RSU1: variants seen among roughly 807,000 people sequenced by gnomAD.
The protein encoded by RSU1 is rsu-1.
A neutral mutation model predicts 31.1 loss-of-function variants in RSU1; 26 were observed. The observed-to-expected ratio is 0.84, with a 90% confidence interval of 0.61 to 1.16. The LOEUF (loss-of-function observed/expected upper bound fraction) is 1.16, where lower values mean the gene tolerates loss of function less well. Ranked by LOEUF, RSU1 falls within the 50% of genes most tolerant of loss-of-function variation. The pLI, the probability that RSU1 is intolerant of heterozygous loss-of-function variation, is 0.00. For synonymous variants in RSU1, 164 were observed against 136.3 expected (o/e 1.20, Z -1.41); for missense variants, 320 against 339.1 (o/e 0.94, Z 0.44).
At chr10:16,614,124 A>G (rs1833937372) in intron 8 of RSU1, among the ~76,000 whole-genome samples, 1 of 152,232 alleles carries the variant, frequency 6.6e-6, no homozygotes, top group Non-Finnish European at 1.5e-5. Context: ...AAAGTAGGTA[A>G]GCAAAGCTCC....
At position 16,645,915 on chromosome 10, in the gene RSU1, TATATGTGTATATACAC is replaced by T. The variant is rs1834541372; in HGVS notation, c.731+49092_731+49107del. Among the ~76,000 whole-genome samples the T allele has an allele frequency of 5.8e-5, 2 of 34,626 alleles. 1 individual carries two copies. Among genetic ancestry groups the T allele is most frequent in the African/African-American group, 2.0e-4 (2 of 9,976 alleles). 22.7% of individuals were successfully genotyped at this position (34,626 alleles called of 152,430 possible). A position where few individuals can be genotyped will look rare whatever the true frequency, so the allele number is the denominator to read the frequency against. Reference sequence around the variant, plus strand: ...ATATGTATATACACATATATGTATATATATGTGTATATACACATATGTGTATATATATGTGTATATA... The same window carrying T: ...ATATGTATATACACATATATGTATATATATGTGTATATATATGTGTATATA... On this transcript the variant is annotated intron_variant, in intron 8 of 8. Coordinates refer to ENST00000345264, the MANE Select transcript of RSU1 (RefSeq NM_012425.4).
chr10:16,627,615 T>C (rs1019080951), intron 8 of RSU1, among the ~76,000 whole-genome samples: 1 of 151,918 alleles, frequency 6.6e-6, no homozygotes, highest in African/African-American at 2.4e-5. Context: ...CAGCCAGGCA[T>C]GGATGGTGGT....
chr10:16,681,372 A>C (rs534432398), intron 8 of RSU1, among the ~76,000 whole-genome samples: 1 of 152,340 alleles, frequency 6.6e-6, no homozygotes, highest in South Asian at 2.1e-4. Context: ...CGTGTGTAAG[A>C]ATAAGTTACT....
At chr10:16,751,784 T>G (rs1836985612) in intron 7 of RSU1, among the ~76,000 whole-genome samples, 1 of 152,150 alleles carries the variant, frequency 6.6e-6, no homozygotes, top group Admixed American at 6.6e-5. Context: ...GAGAAAACAA[T>G]GTGGTTCAAA....
In RSU1 at chr10:16,592,974, G is replaced by C; in HGVS notation, c.*420C>G. 1 of 149,630 alleles carries C rather than the reference G, an allele frequency of 6.7e-6. No individual in the cohort carries two copies. Among genetic ancestry groups the C allele is most frequent in the Non-Finnish European group, 1.5e-5 (1 of 67,612 alleles). The allele number at this position is 149,630 out of a possible 1,614,324, so 9.3% of individuals were successfully genotyped here. ...TAAATTAGCATATCTCGGTGGTGAA[G>C]GAAGACTTTTAATAAAGCAAAATAA... On this transcript the variant is annotated 3_prime_UTR_variant, in exon 9 of 9. Coordinates refer to ENST00000345264, the MANE Select transcript of RSU1 (RefSeq NM_012425.4).
rs143434055 is a variant in RSU1 at position 16,811,943 on chromosome 10, T to C, written c.109+5030A>G. On this transcript the variant is annotated intron_variant, in intron 2 of 8. Coordinates refer to ENST00000345264, the MANE Select transcript of RSU1 (RefSeq NM_012425.4). ...TGGGATGGTGGGTCAGAACTGAGTA[T>C]TCTCGAGGGGCCTCCTTGAGGAGGT... Among the ~76,000 whole-genome samples the C allele has an allele frequency of 1.1e-4, 17 of 152,288 alleles. No homozygotes were observed. The East Asian group carries it at 1.5e-3, about 14-fold the overall frequency.
At chr10:16,787,772 G>C (rs749105572) in intron 2 of RSU1, among the ~76,000 whole-genome samples, 1 of 152,202 alleles carries the variant, frequency 6.6e-6, no homozygotes, top group Non-Finnish European at 1.5e-5. Flanking sequence ...CAGCCATGTG[G>C]AAATGTGAGT....
chr10:16,674,212 T>C (rs994368125), intron 8 of RSU1, among the ~76,000 whole-genome samples: 5 of 152,148 alleles, frequency 3.3e-5, no homozygotes, highest in African/African-American at 1.2e-4. Flanking sequence ...AGGAGTTTCT[T>C]TCAAAGCCTA....
At chr10:16,694,663 T>C (rs138549911) in intron 8 of RSU1, among the ~76,000 whole-genome samples, 28 of 152,284 alleles carry the variant, frequency 1.8e-4, no homozygotes, top group South Asian at 1.2e-3. Flanking sequence ...CTCAATGTCC[T>C]GGGCTCAAGT....
chr10:16,654,062 G>C (rs1322872362), intron 8 of RSU1, among the ~76,000 whole-genome samples: 1 of 151,938 alleles, frequency 6.6e-6, no homozygotes, highest in African/African-American at 2.4e-5. Flanking sequence ...GAGTGCAATG[G>C]TGTGATCCTG....
intron 7 of RSU1, among the ~76,000 whole-genome samples, chr10:16,739,225 C>T (rs1836701021): frequency 6.6e-6 from 1 of 151,448 alleles, no homozygotes. Context: ...GGGTATATAC[C>T]CAGTAATGGG....
At chr10:16,805,515 CA>C (rs568304982) in intron 2 of RSU1, among the ~76,000 whole-genome samples, 3,795 of 144,912 alleles carry the variant, frequency 0.026, 49 homozygotes, top group Non-Finnish European at 0.037. Context: ...ACTAAAAATA[CA>C]AAAAAAAAAG....
chr10:16,606,110 G>A (rs114471896), intron 8 of RSU1, among the ~76,000 whole-genome samples: 2,308 of 152,218 alleles, frequency 0.015, 65 homozygotes, highest in African/African-American at 0.053. Flanking sequence ...GCGCCACTTC[G>A]TGAGGCCTTC....
intron 8 of RSU1, among the ~76,000 whole-genome samples, chr10:16,607,385 G>A (rs865952876): frequency 8.5e-5 from 13 of 152,192 alleles, no homozygotes; most frequent in Non-Finnish European, 4.4e-5. Context: ...CACCATGTCA[G>A]TGGAAAGCTG....
At chr10:16,800,542 A>G (rs1838132323) in intron 2 of RSU1, among the ~76,000 whole-genome samples, 1 of 152,244 alleles carries the variant, frequency 6.6e-6, no homozygotes, top group Non-Finnish European at 1.5e-5. Context: ...CTGAAAAGCA[A>G]AGAGAAAGAA....
chr10:16,614,635 C>G (rs1295911305), intron 8 of RSU1, among the ~76,000 whole-genome samples: 1 of 152,172 alleles, frequency 6.6e-6, no homozygotes, highest in Non-Finnish European at 1.5e-5. Context: ...CATACACCTA[C>G]TGTGTACCCA....
rs533709720 is a variant in RSU1 at position 16,592,131 on chromosome 10, G to T, written c.*1263C>A. 1 of 149,816 alleles carries T rather than the reference G, an allele frequency of 6.7e-6. No homozygotes were observed. The highest frequency in any genetic ancestry group is 1.5e-5 in the Non-Finnish European group (1 of 67,936). The allele number at this position is 149,816 out of a possible 1,614,324, so 9.3% of individuals were successfully genotyped here. A position where few individuals can be genotyped will look rare whatever the true frequency, so the allele number is the denominator to read the frequency against. The stretch of plus-strand genomic sequence containing the variant: ...GGGAGCTCAACTGGGAAGCCGAAAG[G>T]ATACAGCAGAGATTTTATATGCCCC... On this transcript the variant is annotated 3_prime_UTR_variant, in exon 9 of 9. Transcript: ENST00000345264.
chr10:16,644,649 G>C (rs1056463225), intron 8 of RSU1, among the ~76,000 whole-genome samples: 1 of 152,126 alleles, frequency 6.6e-6, no homozygotes, highest in Non-Finnish European at 1.5e-5. Context: ...GCCACACATA[G>C]CGCAGTGTTC....
chr10:16,751,462 G>C (rs958269532), intron 7 of RSU1, among the ~76,000 whole-genome samples: 3 of 152,280 alleles, frequency 2.0e-5, no homozygotes, highest in Admixed American at 1.3e-4. Context: ...CAGAACTCAA[G>C]GTGCTGATAG....
Sources: allele counts gnomAD v4.1 joint callset (sites outside exome capture counted in the v4.1 genomes callset), GRCh38; gene constraint gnomAD v4.1.1; transcripts MANE v1.5; gene names NCBI Gene and HGNC (gene_info 2026-07-23, HGNC 2026-07-21).